Variants in CCDC57 observed in about 807,000 individuals in gnomAD.
CCDC57 encodes coiled-coil domain containing 57, also known as coiled-coil domain-containing protein 57.
CCDC57 carries 118 observed loss-of-function variants against 118.9 expected under a neutral mutation model. The observed-to-expected ratio is 0.99, with a 90% confidence interval of 0.86 to 1.16. The LOEUF (loss-of-function observed/expected upper bound fraction) is 1.16. Among genes scored for constraint, CCDC57 ranks in the 50% most tolerant of loss-of-function variants. The pLI is 0.00. For synonymous variants in CCDC57, 527 were observed against 532.9 expected (o/e 0.99, Z 0.15); for missense variants, 1,300 against 1,320.7 (o/e 0.98, Z 0.24).
At chr17:82,138,050 T>C (rs774513195) in intron 16 of CCDC57, among the ~76,000 whole-genome samples, 17 of 151,628 alleles carry the variant, frequency 1.1e-4, no homozygotes, top group African/African-American at 1.9e-4. Flanking sequence ...TTTTTTCTTA[T>C]AAAAAGAGAG....
intron 19 of CCDC57, chr17:82,127,258 C>G: frequency 1.0e-6 from 1 of 985,308 alleles, no homozygotes. Flanking sequence ...GTCGGCCTGG[C>G]TCTTCCCCGG....
intron 13 of CCDC57, among the ~76,000 whole-genome samples, chr17:82,170,700 A>G (rs2044590210): frequency 1.3e-5 from 2 of 152,120 alleles, no homozygotes; most frequent in South Asian, 4.1e-4. Flanking sequence ...TCCAGAAGTG[A>G]GAAAATAAAA....
At chr17:82,129,499 T>C (rs926775114) in intron 17 of CCDC57, among the ~76,000 whole-genome samples, 1 of 152,188 alleles carries the variant, frequency 6.6e-6, no homozygotes, top group Non-Finnish European at 1.5e-5. Context: ...CAACAGTGGA[T>C]GCAGAGTGTA....
At chr17:82,211,068 G>A (rs1173930860) in intron 1 of CCDC57, among the ~76,000 whole-genome samples, 2 of 148,964 alleles carry the variant, frequency 1.3e-5, no homozygotes, top group Admixed American at 1.3e-4. Context: ...ATAGTGGCAA[G>A]ATATTTCCCC....
chr17:82,116,490 C>T (rs1174559245), intron 19 of CCDC57, among the ~76,000 whole-genome samples: 2 of 152,132 alleles, frequency 1.3e-5, no homozygotes, highest in African/African-American at 4.8e-5. Context: ...CCCACCCCCA[C>T]AGCACAGCCG....
chr17:82,189,968 C>G (rs1251991598), intron 7 of CCDC57, among the ~76,000 whole-genome samples: 2 of 152,080 alleles, frequency 1.3e-5, no homozygotes, highest in African/African-American at 4.8e-5. Context: ...CGAGATTGCG[C>G]CACTGCACTC....
At chr17:82,179,574 G>C (rs1441939116) in intron 9 of CCDC57, among the ~76,000 whole-genome samples, 2 of 152,122 alleles carry the variant, frequency 1.3e-5, no homozygotes, top group Non-Finnish European at 2.9e-5. Flanking sequence ...GGGGTGGGCA[G>C]GGCTGGGAGA....
Position 82,172,543 on chromosome 17 carries a change from T to G in CCDC57, c.1729+95A>C. 9.5e-7 allele frequency: 1 copy of G among 1,052,704 alleles called. No individual in the cohort carries two copies. Among genetic ancestry groups the G allele is most frequent in the Admixed American group, 2.0e-5 (1 of 49,208 alleles). The allele number at this position is 1,052,704 out of a possible 1,614,324, so 65.2% of individuals were successfully genotyped here. A position where few individuals can be genotyped will look rare whatever the true frequency, so the allele number is the denominator to read the frequency against. On this transcript the variant is annotated intron_variant, in intron 12 of 19. Coordinates refer to ENST00000665763, the Ensembl canonical transcript of CCDC57. The surrounding 1 kb of genome is among the most constrained non-coding windows in gnomAD (Gnocchi z 5.2). The stretch of plus-strand genomic sequence containing the variant: ...ACTTATAGGACTCTGAAATGAAGCC[T>G]CCTTGAAGCCAGTCAAGACCCATGC...
In CCDC57 at chr17:82,212,271, A is replaced by AG. The variant is rs916476196; in HGVS notation, c.-211+513dup. 4.6e-5 allele frequency among the ~76,000 whole-genome samples: 7 copies of AG among 151,550 alleles called. No individual in the cohort carries two copies. The highest frequency in any genetic ancestry group is 3.9e-4 in the East Asian group (2 of 5,154). On this transcript the variant is annotated intron_variant, in intron 1 of 19. Coordinates refer to ENST00000665763, the Ensembl canonical transcript of CCDC57. This position sits in a 1 kb window ranked among gnomAD's most constrained non-coding sequence, Gnocchi z 4.1. ...AATAATTTTTGTATTTTTAGTAGAG[A>AG]GGGGGTTTCACCATGTTGGCCAGGC...
intron 13 of CCDC57, 24 bp from the exon 13 acceptor site, chr17:82,163,381 C>T: frequency 6.2e-7 from 1 of 1,610,444 alleles, no homozygotes. Flanking sequence ...TGGCTTCTGT[C>T]AGCTCATACC....
At chr17:82,178,809 C>T (rs150256481) in intron 10 of CCDC57, among the ~76,000 whole-genome samples, 8 of 152,368 alleles carry the variant, frequency 5.3e-5, no homozygotes, top group Admixed American at 2.0e-4. Context: ...ACTCAAACCA[C>T]GCGGCTGGTC....
chr17:82,140,488 CG>C (rs1568229977), intron 16 of CCDC57, among the ~76,000 whole-genome samples: 3 of 152,002 alleles, frequency 2.0e-5, no homozygotes, highest in Non-Finnish European at 4.4e-5. Context: ...CCCAAAGTGC[CG>C]GGATTACAGG....
At position 82,163,329 on chromosome 17, in the gene CCDC57, TC is replaced by T; in HGVS notation, c.1910del (p.Gly637GlufsTer34). 1.2e-6 allele frequency: 2 copies of T among 1,613,668 alleles called. No individual in the cohort carries two copies. The highest frequency in any genetic ancestry group is 4.5e-5 in the East Asian group (2 of 44,884). ...CTGCTTGACCAGCTTGGACAGACCC[TC>T]CGGCTTGACCAGCTTGGGCAGACCC... On this transcript the variant is annotated frameshift_variant, in exon 14 of 20. Transcript: ENST00000665763. LOFTEE classifies it high-confidence loss of function.
intron 16 of CCDC57, among the ~76,000 whole-genome samples, chr17:82,140,847 G>A (rs1009610255): frequency 3.3e-5 from 5 of 152,150 alleles, no homozygotes; most frequent in Admixed American, 1.3e-4. Flanking sequence ...GCATTGCCTG[G>A]CAGGCCCAGG....
At chr17:82,102,424 G>T (rs189125866) in intron 19 of CCDC57, among the ~76,000 whole-genome samples, 1 of 152,380 alleles carries the variant, frequency 6.6e-6, no homozygotes, top group Admixed American at 6.5e-5. Flanking sequence ...CAGAGGCTGG[G>T]GCCTAAATGC....
chr17:82,172,573 G>T lies in CCDC57; in HGVS notation c.1729+65C>A, dbSNP rs556810545. The T allele has an allele frequency of 7.2e-7, 1 of 1,387,676 alleles. No homozygotes were observed. Among genetic ancestry groups the T allele is most frequent in the Middle Eastern group, 2.5e-4 (1 of 4,076 alleles). The allele number at this position is 1,387,676 out of a possible 1,614,324, so 86.0% of individuals were successfully genotyped here. ...GAAGCCAGTCAAGACCCATGCTCCC[G>T]TCTGTCCTCCTCCCTCCCTCTCCCC... On this transcript the variant is annotated intron_variant, in intron 12 of 19. Coordinates refer to ENST00000665763, the Ensembl canonical transcript of CCDC57. This position sits in a 1 kb window ranked among gnomAD's most constrained non-coding sequence, Gnocchi z 5.2.
At chr17:82,210,671 G>A (rs557693251) in intron 1 of CCDC57, among the ~76,000 whole-genome samples, 7 of 138,696 alleles carry the variant, frequency 5.0e-5, no homozygotes, top group African/African-American at 1.9e-4. Context: ...GAGAGAGAGA[G>A]ACTCAGTCTC....
At chr17:82,116,459 C>A (rs868774992) in intron 19 of CCDC57, among the ~76,000 whole-genome samples, 1 of 152,164 alleles carries the variant, frequency 6.6e-6, no homozygotes, top group South Asian at 2.1e-4. Flanking sequence ...CGGCCCTACC[C>A]ACTTCTCCTA....
intron 19 of CCDC57, among the ~76,000 whole-genome samples, chr17:82,115,742 G>A (rs1043938531): frequency 1.6e-4 from 24 of 151,350 alleles, no homozygotes; most frequent in South Asian, 6.2e-4. Context: ...CACTCCAGCC[G>A]GGGCGACAGA....
Sources: allele counts gnomAD v4.1 joint callset (sites outside exome capture counted in the v4.1 genomes callset), GRCh38; gene constraint gnomAD v4.1.1; non-coding constraint Gnocchi (gnomAD v3.1); transcripts MANE v1.5; gene names NCBI Gene and HGNC (gene_info 2026-07-23, HGNC 2026-07-21).